The following MINDY4 variants were observed in gnomAD, a reference collection of about 807,000 sequenced individuals.
The protein encoded by MINDY4 is MINDY lysine 48 deubiquitinase 4.
In MINDY4, 68 loss-of-function variants were observed where a neutral mutation model predicts 87.0. That is an observed-to-expected ratio of 0.78 (90% CI 0.64 to 0.96). MINDY4 has a LOEUF of 0.96. Ranked by LOEUF, MINDY4 falls within the 40% of genes least tolerant of loss-of-function variation. The pLI is 0.00. For missense variants in MINDY4, 919 were observed against 928.2 expected (o/e 0.99, Z 0.13); for synonymous variants, 379 against 363.2 (o/e 1.04, Z -0.50).
At chr7:30,798,506 T>C (rs1372942658) in intron 5 of MINDY4, among the ~76,000 whole-genome samples, 1 of 151,270 alleles carries the variant, frequency 6.6e-6, no homozygotes, top group African/African-American at 2.4e-5. Context: ...ACTTTCTTCT[T>C]TTTTTTTTGA....
chr7:30,795,108 G>A (rs1020443921), intron 5 of MINDY4, among the ~76,000 whole-genome samples: 17 of 152,138 alleles, frequency 1.1e-4, no homozygotes, highest in South Asian at 6.2e-4. Context: ...CTCCGTTGGG[G>A]TGTGCTGGCC....
rs1046428774 is a variant in MINDY4, at chr7:30,793,985, A to G, written c.1073+2411A>G. 6.6e-5 allele frequency among the ~76,000 whole-genome samples: 10 copies of G among 152,144 alleles called. 1 individual carries two copies. The highest frequency in any genetic ancestry group is 5.9e-4 in the Admixed American group (9 of 15,284). Reference sequence around the variant, plus strand: ...AGATGAGGAAACTGAGGCACAGAGAATCCAAGGAACCTGACAAGGTTCTGG... The same window carrying G: ...AGATGAGGAAACTGAGGCACAGAGAGTCCAAGGAACCTGACAAGGTTCTGG... On this transcript the variant is annotated intron_variant, in intron 5 of 17. Coordinates refer to ENST00000265299, the MANE Select transcript of MINDY4 (RefSeq NM_032222.3).
rs533355613 is a variant in MINDY4 at position 30,882,277 on chromosome 7, C to T, written c.2068C>T (p.Arg690Cys). The T allele has an allele frequency of 7.6e-5, 123 of 1,613,998 alleles. 1 individual carries two copies. The Middle Eastern group carries it at 8.3e-4, about 11-fold the overall frequency. ...ILFSLQPGLL[R>C]DWRTERLFDL... ...CTTTAGCCTGCAGCCGGGGCTCCTG[C>T]GTGACTGGAGGACTGAGAGGCTCTT... is the stretch of plus-strand genomic sequence containing the variant. The change falls in exon 16 of 18, where the codon CGT (arginine) becomes TGT (cysteine). Residue 690 changes from arginine (R) to cysteine (C), a missense_variant. Coordinates refer to ENST00000265299, the MANE Select transcript of MINDY4 (RefSeq NM_032222.3).
At chr7:30,870,955 C>G (rs962396590) in intron 13 of MINDY4, among the ~76,000 whole-genome samples, 1 of 149,834 alleles carries the variant, frequency 6.7e-6, no homozygotes, top group East Asian at 2.0e-4. Context: ...GTGTGCCTCC[C>G]AGAGTCAAGT....
chr7:30,847,433 A>G (rs1212087231), intron 9 of MINDY4, among the ~76,000 whole-genome samples: 3 of 152,182 alleles, frequency 2.0e-5, no homozygotes, highest in Admixed American at 2.0e-4. Context: ...CTGAAAAGAC[A>G]GGGTCAAAGG....
rs189648809 is a variant in MINDY4 at position 30,847,909 on chromosome 7, G to T, written c.1446-2545G>T. Among the ~76,000 whole-genome samples, 338 of 152,138 alleles carry T rather than the reference G, an allele frequency of 2.2e-3. 2 individuals are homozygous for T. Among genetic ancestry groups the T allele is most frequent in the African/African-American group, 7.9e-3 (328 of 41,496 alleles). ...TGCCACCACACCTGGCTGATTTTTT[G>T]ATTTTTCTAGACAGAGTCTCGCTAT... On this transcript the variant is annotated intron_variant, in intron 9 of 17. Coordinates refer to ENST00000265299, the MANE Select transcript of MINDY4 (RefSeq NM_032222.3).
chr7:30,814,888 G>A (rs1788103172), intron 5 of MINDY4, among the ~76,000 whole-genome samples: 1 of 152,226 alleles, frequency 6.6e-6, no homozygotes, highest in African/African-American at 2.4e-5. Flanking sequence ...GTGGCTCACA[G>A]CTCTTATATA....
intron 5 of MINDY4, among the ~76,000 whole-genome samples, chr7:30,812,016 A>G (rs1788014375): frequency 1.3e-5 from 2 of 152,180 alleles, no homozygotes; most frequent in African/African-American, 4.8e-5. Flanking sequence ...ATTACTACTG[A>G]TTTATTATTC....
chr7:30,870,584 C>T (rs1357565833), intron 13 of MINDY4, among the ~76,000 whole-genome samples: 4 of 152,202 alleles, frequency 2.6e-5, no homozygotes, highest in East Asian at 1.9e-4. Flanking sequence ...ATAAACCTTC[C>T]GTGTTTGGCC....
intron 5 of MINDY4, among the ~76,000 whole-genome samples, chr7:30,810,275 TA>T (rs958972001): frequency 6.8e-6 from 1 of 146,966 alleles, no homozygotes; most frequent in African/African-American, 2.5e-5. Flanking sequence ...AAAAATGTTA[TA>T]AAAAAATTTA....
chr7:30,832,322 A>G (rs1788728469), intron 6 of MINDY4, among the ~76,000 whole-genome samples: 1 of 152,234 alleles, frequency 6.6e-6, no homozygotes, highest in African/African-American at 2.4e-5. Context: ...GGCTCAAGGC[A>G]TTGCAAGAAG....
chr7:30,877,653 C>CTGAG (rs1790302129), intron 15 of MINDY4, among the ~76,000 whole-genome samples: 1 of 149,906 alleles, frequency 6.7e-6, no homozygotes, highest in Non-Finnish European at 1.5e-5. Flanking sequence ...TCAGACAAAG[C>CTGAG]CCTTCCCTCT....
At chr7:30,821,900 A>G (rs531909986) in intron 5 of MINDY4, among the ~76,000 whole-genome samples, 1 of 152,366 alleles carries the variant, frequency 6.6e-6, no homozygotes, top group South Asian at 2.1e-4. Context: ...AAAGCTTGAA[A>G]GAAGAGTACA....
chr7:30,809,283 G>A (rs780597493), intron 5 of MINDY4, among the ~76,000 whole-genome samples: 3 of 151,266 alleles, frequency 2.0e-5, no homozygotes, highest in South Asian at 2.1e-4. Context: ...AATCTGTAGC[G>A]GCAACTGCTT....
At chr7:30,776,404 CAAT>C (rs1786815939) in intron 1 of MINDY4, among the ~76,000 whole-genome samples, 1 of 152,214 alleles carries the variant, frequency 6.6e-6, no homozygotes, top group African/African-American at 2.4e-5. Flanking sequence ...CCTCATCAAT[CAAT>C]GATGCCTTTC....
At chr7:30,773,355 G>C (rs1308553755) in intron 1 of MINDY4, among the ~76,000 whole-genome samples, 1 of 152,172 alleles carries the variant, frequency 6.6e-6, no homozygotes, top group African/African-American at 2.4e-5. Flanking sequence ...AGGAGGCCAA[G>C]AAACTTGCCC....
chr7:30,842,374 G>A (rs1057304411), intron 9 of MINDY4, among the ~76,000 whole-genome samples: 3 of 152,196 alleles, frequency 2.0e-5, no homozygotes, highest in African/African-American at 7.2e-5. Flanking sequence ...CCTGCCATCA[G>A]CTCTCCCTGG....
chr7:30,872,974 C>G (rs1263407374), intron 14 of MINDY4, among the ~76,000 whole-genome samples: 1 of 152,272 alleles, frequency 6.6e-6, no homozygotes, highest in Non-Finnish European at 1.5e-5. Context: ...AAATCTGGCT[C>G]TCAGCACATG....
At chr7:30,793,157 TA>T (rs376429103) in intron 5 of MINDY4, among the ~76,000 whole-genome samples, 43,489 of 100,424 alleles carry the variant, frequency 0.43, 6,803 homozygotes, top group African/African-American at 0.56. Flanking sequence ...ATTGTTTATT[TA>T]ATTGTTTATA....
Sources: allele counts gnomAD v4.1 joint callset (sites outside exome capture counted in the v4.1 genomes callset), GRCh38; gene constraint gnomAD v4.1.1; transcripts MANE v1.5; gene names NCBI Gene and HGNC (gene_info 2026-07-23, HGNC 2026-07-21).